NRXN1: variants seen among roughly 807,000 people sequenced by gnomAD.
NRXN1 encodes the protein neurexin-1.
In NRXN1, 39 loss-of-function variants were observed where a neutral mutation model predicts 150.9. The ratio of observed to expected loss-of-function variants is 0.26; its 90% CI spans 0.20 to 0.34. NRXN1 has a LOEUF of 0.34. NRXN1 is among the 10% of genes least tolerant of loss of function. NRXN1 has a pLI of 1.00. For synonymous variants in NRXN1, 924 were observed against 757.0 expected (o/e 1.22, Z -3.62); for missense variants, 1,815 against 1,949.9 (o/e 0.93, Z 1.30).
At chr2:50,214,935 T>C (rs1202079385) in intron 18 of NRXN1, among the ~76,000 whole-genome samples, 1 of 151,994 alleles carries the variant, frequency 6.6e-6, no homozygotes, top group Non-Finnish European at 1.5e-5. Context: ...ATAAAATATG[T>C]AGCATCTCTA....
At chr2:50,119,124 T>G (rs946561774) in intron 18 of NRXN1, among the ~76,000 whole-genome samples, 5 of 152,196 alleles carry the variant, frequency 3.3e-5, no homozygotes, top group Admixed American at 2.6e-4. Context: ...ACATCTTAAG[T>G]TGAAAATTAA....
chr2:50,360,762 C>A (rs1036613350), intron 17 of NRXN1, among the ~76,000 whole-genome samples: 1 of 152,246 alleles, frequency 6.6e-6, no homozygotes, highest in African/African-American at 2.4e-5. Flanking sequence ...AACAAGCAGA[C>A]CTAATCGACA....
chr2:50,824,943 T>C (rs1261565414), intron 5 of NRXN1, among the ~76,000 whole-genome samples: 1 of 152,234 alleles, frequency 6.6e-6, no homozygotes, highest in Non-Finnish European at 1.5e-5. Flanking sequence ...TGTTTTTCAA[T>C]CTTGGAGACC....
intron 5 of NRXN1, 40 bp from the exon 6 acceptor site, chr2:50,623,655 A>G (rs558908577): frequency 1.4e-6 from 2 of 1,442,508 alleles, no homozygotes; most frequent in South Asian, 1.2e-5. Context: ...GTAAACAAAT[A>G]CACTATGCAA....
chr2:50,960,568 G>T (rs1245810176), intron 2 of NRXN1, among the ~76,000 whole-genome samples: 2 of 151,938 alleles, frequency 1.3e-5, no homozygotes, highest in Non-Finnish European at 2.9e-5. Context: ...CACCTACATG[G>T]AGGAAGTATA....
chr2:50,635,740 T>C (rs1379015550), intron 5 of NRXN1, among the ~76,000 whole-genome samples: 1 of 152,216 alleles, frequency 6.6e-6, no homozygotes, highest in Non-Finnish European at 1.5e-5. Context: ...TGTGCTGACC[T>C]ATCCGTCACT....
At chr2:51,016,900 T>C (rs371267562) in intron 2 of NRXN1, among the ~76,000 whole-genome samples, 1 of 152,156 alleles carries the variant, frequency 6.6e-6, no homozygotes, top group Non-Finnish European at 1.5e-5. Flanking sequence ...GTGGCACATA[T>C]ATACCATGGA....
intron 18 of NRXN1, among the ~76,000 whole-genome samples, chr2:50,219,086 C>T (rs1260925696): frequency 6.6e-6 from 1 of 151,918 alleles, no homozygotes; most frequent in African/African-American, 2.4e-5. Context: ...TCAAAGACTG[C>T]TTTGGATTTT....
chr2:50,157,725 AT>A (rs1293130290), intron 18 of NRXN1, among the ~76,000 whole-genome samples: 10 of 152,036 alleles, frequency 6.6e-5, no homozygotes, highest in Admixed American at 6.6e-4. Flanking sequence ...AACAATGCAA[AT>A]AAAGTCCACC....
At chr2:50,797,711 G>T (rs1012017112) in intron 5 of NRXN1, among the ~76,000 whole-genome samples, 2 of 152,088 alleles carry the variant, frequency 1.3e-5, no homozygotes, top group Admixed American at 6.6e-5. Flanking sequence ...TGTAATTTAT[G>T]CAAGGTACCT....
At chr2:50,963,310 T>C (rs1693502140) in intron 2 of NRXN1, among the ~76,000 whole-genome samples, 1 of 151,472 alleles carries the variant, frequency 6.6e-6, no homozygotes, top group East Asian at 1.9e-4. Context: ...GGGACAGCTG[T>C]CTACCTTCTC....
At chr2:50,733,490 C>T (rs527864840) in intron 5 of NRXN1, among the ~76,000 whole-genome samples, 31 of 152,166 alleles carry the variant, frequency 2.0e-4, no homozygotes, top group Middle Eastern at 3.4e-3. Context: ...CCAATAGTGA[C>T]CAATAAATAA....
intron 17 of NRXN1, among the ~76,000 whole-genome samples, chr2:50,237,798 C>T (rs527292281): frequency 6.6e-6 from 1 of 151,880 alleles, no homozygotes; most frequent in Non-Finnish European, 1.5e-5. Flanking sequence ...GCTCTGTGTC[C>T]CCACTCAAAT....
intron 5 of NRXN1, among the ~76,000 whole-genome samples, chr2:50,693,295 G>A (rs1380354606): frequency 1.3e-5 from 2 of 152,132 alleles, no homozygotes; most frequent in Non-Finnish European, 2.9e-5. Context: ...AATGCTAACC[G>A]AATAACTATA....
At chr2:50,239,516 T>G (rs2152883504) in intron 17 of NRXN1, among the ~76,000 whole-genome samples, 1 of 149,278 alleles carries the variant, frequency 6.7e-6, no homozygotes, top group African/African-American at 2.4e-5. Flanking sequence ...AAAAATCTTA[T>G]CTACTTATTA....
At chr2:50,711,043 T>C (rs1035523497) in intron 5 of NRXN1, among the ~76,000 whole-genome samples, 1 of 152,156 alleles carries the variant, frequency 6.6e-6, no homozygotes, top group Non-Finnish European at 1.5e-5. Flanking sequence ...ACAGAATTAA[T>C]ATAAAATAGA....
intron 18 of NRXN1, among the ~76,000 whole-genome samples, chr2:50,233,038 T>A (rs1410104946): frequency 6.6e-6 from 1 of 151,986 alleles, no homozygotes; most frequent in African/African-American, 2.4e-5. Flanking sequence ...TATATAGAAA[T>A]TAAAATGTCT....
At chr2:50,573,854 A>G (rs1188057193) in intron 8 of NRXN1, among the ~76,000 whole-genome samples, 1 of 152,088 alleles carries the variant, frequency 6.6e-6, no homozygotes, top group Non-Finnish European at 1.5e-5. Context: ...TAAGTAATCT[A>G]GAGATGATTT....
At chr2:50,655,541 T>A (rs1256697911) in intron 5 of NRXN1, among the ~76,000 whole-genome samples, 1 of 152,008 alleles carries the variant, frequency 6.6e-6, no homozygotes, top group African/African-American at 2.4e-5. Flanking sequence ...AAAGTTTTTG[T>A]TAATTGTTAA....
Sources: gnomAD v4.1 joint callset for allele counts (sites outside exome capture counted in the v4.1 genomes callset) on GRCh38, gnomAD v4.1.1 for gene constraint, MANE v1.5 for transcripts, NCBI Gene and HGNC (gene_info 2026-07-23, HGNC 2026-07-21) for gene names.